COL14A1: variants seen among roughly 807,000 people sequenced by gnomAD.
COL14A1 encodes the protein collagen alpha-1(XIV) chain.
Under a neutral mutation model 230.3 loss-of-function variants are expected in COL14A1, and 136 were observed. The ratio of observed to expected loss-of-function variants is 0.59; its 90% CI spans 0.51 to 0.68. COL14A1 has a LOEUF of 0.68. COL14A1 is among the 30% of genes least tolerant of loss of function. The pLI, the probability that COL14A1 is intolerant of heterozygous loss-of-function variation, is 0.00. For synonymous variants in COL14A1, 792 were observed against 784.1 expected (o/e 1.01, Z -0.17); for missense variants, 1,976 against 2,215.8 (o/e 0.89, Z 2.17).
intron 2 of COL14A1, among the ~76,000 whole-genome samples, chr8:120,157,868 C>T (rs187702666): frequency 1.3e-5 from 2 of 152,234 alleles, no homozygotes; most frequent in East Asian, 1.9e-4. Context: ...TGCCTGTAAT[C>T]CCAGCTACTC....
rs764844568 is a variant in COL14A1 at position 120,278,100 on chromosome 8, T to C, written c.3214-11T>C. 3.1e-5 allele frequency: 50 copies of C among 1,596,560 alleles called. No homozygotes were observed. The highest frequency in any genetic ancestry group is 4.0e-5 in the Non-Finnish European group (47 of 1,173,318). On this transcript the variant is annotated splice_polypyrimidine_tract_variant and intron_variant, in intron 26 of 47. Transcript: ENST00000297848. ...CATATGTGTGAAAATGAATACACCT[T>C]CTCTCTCCAGGTTGCAATGGTTCAG...
intron 15 of COL14A1, 95 bp from the exon 16 acceptor site, chr8:120,226,532 T>C: frequency 7.6e-7 from 1 of 1,307,858 alleles, no homozygotes; most frequent in Non-Finnish European, 1.0e-6. Flanking sequence ...AGCAAAAGAT[T>C]CCTCAAAGAG....
At chr8:120,285,109 G>A (rs577220985) in intron 32 of COL14A1, among the ~76,000 whole-genome samples, 10 of 152,040 alleles carry the variant, frequency 6.6e-5, no homozygotes, top group African/African-American at 2.2e-4. Flanking sequence ...AATATCTTGG[G>A]TGGTGTAATT....
At chr8:120,329,963 G>A (rs938905607) in intron 40 of COL14A1, among the ~76,000 whole-genome samples, 4 of 152,090 alleles carry the variant, frequency 2.6e-5, no homozygotes, top group Non-Finnish European at 4.4e-5. Flanking sequence ...GGAACTCAGG[G>A]TCTTTCCATC....
intron 27 of COL14A1, 65 bp downstream of exon 27, chr8:120,278,299 C>G: frequency 1.3e-6 from 2 of 1,523,830 alleles, no homozygotes; most frequent in Non-Finnish European, 8.8e-7. Context: ...CTGAAATGAC[C>G]TTTTATTTTA....
chr8:120,308,610 G>A (rs951006641), intron 36 of COL14A1, among the ~76,000 whole-genome samples: 17 of 152,186 alleles, frequency 1.1e-4, no homozygotes, highest in South Asian at 4.1e-4. Context: ...TAGAAGATGA[G>A]CAACTAATTG....
chr8:120,276,993 C>A (rs1819874573), intron 26 of COL14A1, among the ~76,000 whole-genome samples: 1 of 151,912 alleles, frequency 6.6e-6, no homozygotes, highest in African/African-American at 2.4e-5. Flanking sequence ...CAGCTTAAGG[C>A]CCATTTAAAC....
chr8:120,368,699 T>A (rs1200661909), intron 46 of COL14A1, among the ~76,000 whole-genome samples: 3 of 152,156 alleles, frequency 2.0e-5, no homozygotes, highest in Non-Finnish European at 4.4e-5. Flanking sequence ...TCAATTAATG[T>A]AAACTAGCTT....
intron 12 of COL14A1, among the ~76,000 whole-genome samples, chr8:120,210,252 T>C (rs1817579979): frequency 6.6e-6 from 1 of 152,214 alleles, no homozygotes; most frequent in Non-Finnish European, 1.5e-5. Context: ...CAATCTATGT[T>C]ATTGGATATT....
chr8:120,283,517 A>C, intron 31 of COL14A1, 119 bp from the exon 32 acceptor site: 2 of 992,458 alleles, frequency 2.0e-6, no homozygotes, highest in Non-Finnish European at 3.0e-6. Context: ...GTTGGTGTTA[A>C]TGGTGGTCTT....
At chr8:120,335,269 T>C (rs1395692256) in intron 42 of COL14A1, among the ~76,000 whole-genome samples, 1 of 152,132 alleles carries the variant, frequency 6.6e-6, no homozygotes, top group Non-Finnish European at 1.5e-5. Flanking sequence ...TAAATACCAA[T>C]AAAATTTTCC....
chr8:120,297,071 CT>C (rs1246450641), intron 34 of COL14A1, among the ~76,000 whole-genome samples: 2 of 151,906 alleles, frequency 1.3e-5, no homozygotes, highest in Non-Finnish European at 2.9e-5. Flanking sequence ...TTCCTGAGTG[CT>C]TTTTATATGC....
At chr8:120,263,247 A>G (rs1345903847) in intron 24 of COL14A1, among the ~76,000 whole-genome samples, 1 of 152,216 alleles carries the variant, frequency 6.6e-6, no homozygotes, top group Admixed American at 6.5e-5. Context: ...AGAGACTAGA[A>G]GGCCACACGA....
chr8:120,359,308 T>A lies in COL14A1; in HGVS notation c.5078-7863T>A, dbSNP rs1025676486. On this transcript the variant is annotated intron_variant, in intron 45 of 47. Coordinates refer to ENST00000297848, the MANE Select transcript of COL14A1 (RefSeq NM_021110.4). ...GTTCTCATTATTCAACTCCCACTTA[T>A]GAGTGAGAATATAGTAATGGGTCTT... Among the ~76,000 whole-genome samples the A allele has an allele frequency of 7.2e-5, 11 of 151,908 alleles. 1 individual carries two copies. Among genetic ancestry groups the A allele is most frequent in the Admixed American group, 7.2e-4 (11 of 15,244 alleles).
At chr8:120,236,648 G>A (rs140014528) in intron 19 of COL14A1, among the ~76,000 whole-genome samples, 1,755 of 152,180 alleles carry the variant, frequency 0.012, 33 homozygotes, top group African/African-American at 0.04. Context: ...GTGTGAATTC[G>A]ATCCCGTCAT....
intron 14 of COL14A1, 98 bp from the exon 15 acceptor site, chr8:120,224,990 T>C (rs1339638976): frequency 8.6e-7 from 1 of 1,156,650 alleles, no homozygotes; most frequent in Non-Finnish European, 1.2e-6. Flanking sequence ...GCAGTGTTTA[T>C]AGCTTTGCTG....
At chr8:120,202,510 T>C (rs1316443288) in intron 8 of COL14A1, among the ~76,000 whole-genome samples, 1 of 152,186 alleles carries the variant, frequency 6.6e-6, no homozygotes, top group Non-Finnish European at 1.5e-5. Flanking sequence ...TCCTCCTTGT[T>C]TGATGAGGCT....
At chr8:120,275,570 G>C in intron 26 of COL14A1, among the ~76,000 whole-genome samples, 1 of 151,824 alleles carries the variant, frequency 6.6e-6, no homozygotes. Flanking sequence ...GAAAATATTT[G>C]CAAACTATGC....
At chr8:120,240,696 A>G (rs938225574) in intron 19 of COL14A1, among the ~76,000 whole-genome samples, 2 of 152,242 alleles carry the variant, frequency 1.3e-5, no homozygotes, top group Admixed American at 6.5e-5. Flanking sequence ...TATGTTATAC[A>G]CTGTGTACTA....
Sources: gnomAD v4.1 joint callset for allele counts (sites outside exome capture counted in the v4.1 genomes callset) on GRCh38, gnomAD v4.1.1 for gene constraint, MANE v1.5 for transcripts, NCBI Gene and HGNC (gene_info 2026-07-23, HGNC 2026-07-21) for gene names.